SHANK2: variants seen among roughly 807,000 people sequenced by gnomAD.
SHANK2 encodes SH3 and multiple ankyrin repeat domains protein 2.
In SHANK2, 43 loss-of-function variants were observed where a neutral mutation model predicts 133.7. That is an observed-to-expected ratio of 0.32 (90% confidence interval 0.25 to 0.41). SHANK2 has a LOEUF of 0.41. Among genes scored for constraint, SHANK2 ranks in the 10% least tolerant of loss-of-function variants. The pLI is 1.00. For missense variants in SHANK2, 1,994 were observed against 2,235.8 expected (o/e 0.89, Z 2.18); for synonymous variants, 1,017 against 952.8 (o/e 1.07, Z -1.24).
chr11:70,502,952 T>C (rs782557367), intron 17 of SHANK2, 21 bp from the exon 18 acceptor site: 1 of 1,613,950 alleles, frequency 6.2e-7, no homozygotes, highest in South Asian at 1.1e-5. Flanking sequence ...GCGGAGAGGA[T>C]GGCATCAGTG....
chr11:70,798,420 G>A (rs1002499070), intron 14 of SHANK2, 23 bp downstream of exon 14: 6 of 716,968 alleles, frequency 8.4e-6, no homozygotes, highest in Non-Finnish European at 1.6e-5. Context: ...TCGAGGGTGG[G>A]CGGCCACGAG....
intron 17 of SHANK2, 84 bp from the exon 18 acceptor site, chr11:70,503,015 G>A (rs2059083467): frequency 1.3e-6 from 2 of 1,509,202 alleles, no homozygotes; most frequent in Admixed American, 1.7e-5. Flanking sequence ...GAGACATGTG[G>A]GCTCCTAAAA....
At chr11:70,846,340 T>C (rs543561756) in intron 11 of SHANK2, among the ~76,000 whole-genome samples, 1 of 152,300 alleles carries the variant, frequency 6.6e-6, no homozygotes, top group South Asian at 2.1e-4. Flanking sequence ...CTCAGCTCAC[T>C]GCAGCCTCAA....
At chr11:70,887,511 G>A (rs1042176594) in intron 11 of SHANK2, among the ~76,000 whole-genome samples, 1 of 151,928 alleles carries the variant, frequency 6.6e-6, no homozygotes, top group African/African-American at 2.4e-5. Flanking sequence ...TCCATTTCTG[G>A]GTTCTACAGA....
chr11:71,073,127 G>GTTTTTTTTT, intron 9 of SHANK2, among the ~76,000 whole-genome samples: 1 of 93,878 alleles, frequency 1.1e-5, no homozygotes, highest in Non-Finnish European at 2.5e-5. Flanking sequence ...CTTGCTTTTT[G>GTTTTTTTTT]TTTTTTTTCT....
At chr11:70,945,433 G>A (rs782342401) in intron 10 of SHANK2, among the ~76,000 whole-genome samples, 5 of 152,172 alleles carry the variant, frequency 3.3e-5, no homozygotes, top group Non-Finnish European at 5.9e-5. Context: ...CCACACCTAC[G>A]GCCTCATGTG....
At chr11:70,789,760 C>T (rs953792101) in intron 14 of SHANK2, among the ~76,000 whole-genome samples, 1 of 152,210 alleles carries the variant, frequency 6.6e-6, no homozygotes, top group Non-Finnish European at 1.5e-5. Context: ...GGCCCCCACT[C>T]CTACCTCAGT....
At chr11:70,543,244 G>A (rs782508946) in intron 17 of SHANK2, among the ~76,000 whole-genome samples, 22 of 152,156 alleles carry the variant, frequency 1.4e-4, no homozygotes, top group Non-Finnish European at 2.4e-4. Context: ...ACTGACACAT[G>A]GCTCCTAAAA....
intron 17 of SHANK2, chr11:70,566,490 A>ATTCGCAGTG: frequency 6.6e-6 from 1 of 152,214 alleles, no homozygotes; most frequent in African/African-American, 2.4e-5. Context: ...CTGGGACCAC[A>ATTCGCAGTG]GTCCCCAGTC....
At chr11:71,205,747 G>A (rs782286361) in intron 2 of SHANK2, among the ~76,000 whole-genome samples, 100 of 152,308 alleles carry the variant, frequency 6.6e-4, no homozygotes, top group Admixed American at 1.2e-3. Flanking sequence ...GGGCATGTTG[G>A]GTCAGGCGTG....
rs1948186102 is a variant in SHANK2 at position 70,807,387 on chromosome 11, C to T, written c.1494-216G>A. ...CAATCCCACTCGCAGGTCTGCCCCG[C>T]ACAGACAGAAAGCTGCCACTCGGGG... is the stretch of plus-strand genomic sequence containing the variant. On this transcript the variant is annotated intron_variant, in intron 12 of 25. Coordinates refer to ENST00000601538, the MANE Select transcript of SHANK2 (RefSeq NM_012309.5). This position sits in a 1 kb window ranked among gnomAD's most constrained non-coding sequence, Gnocchi z 4.8. Among the ~76,000 whole-genome samples, 1 of 152,222 alleles carries T rather than the reference C, an allele frequency of 6.6e-6. No homozygotes were observed. Among genetic ancestry groups the T allele is most frequent in the Non-Finnish European group, 1.5e-5 (1 of 68,038 alleles).
At chr11:70,686,628 A>G (rs1363294700) in intron 15 of SHANK2, among the ~76,000 whole-genome samples, 1 of 152,170 alleles carries the variant, frequency 6.6e-6, no homozygotes, top group Non-Finnish European at 1.5e-5. Flanking sequence ...TCCTGGTCCT[A>G]TCTGGAGGAG....
Position 70,791,325 on chromosome 11 carries a change from G to A in SHANK2, c.1777+7118C>T, listed in dbSNP as rs375181607. Among the ~76,000 whole-genome samples the A allele has an allele frequency of 9.9e-5, 15 of 152,272 alleles. No individual in the cohort carries two copies. In the East Asian group the frequency reaches 1.7e-3, roughly 18 times the overall value. ...CAGAGAGCCTAAACTCCAGCAGGAT[G>A]GGGTGAGGACATGCATGTAATTAAG... On this transcript the variant is annotated intron_variant, in intron 14 of 25. Coordinates refer to ENST00000601538, the MANE Select transcript of SHANK2 (RefSeq NM_012309.5).
intron 21 of SHANK2, among the ~76,000 whole-genome samples, chr11:70,499,634 T>C (rs564209383): frequency 2.0e-5 from 3 of 152,302 alleles, no homozygotes; most frequent in South Asian, 4.1e-4. Context: ...ACAAACGTAA[T>C]TGCACGACAT....
At chr11:71,142,523 A>G (rs1555105971) in intron 3 of SHANK2, among the ~76,000 whole-genome samples, 1 of 151,382 alleles carries the variant, frequency 6.6e-6, no homozygotes, top group Non-Finnish European at 1.5e-5. Flanking sequence ...CAAACAAACA[A>G]AAAAAAATGG....
At chr11:70,586,409 C>A (rs2060252934) in intron 17 of SHANK2, among the ~76,000 whole-genome samples, 1 of 152,094 alleles carries the variant, frequency 6.6e-6, no homozygotes, top group African/African-American at 2.4e-5. Context: ...GAGGGAGGTT[C>A]TGGGGCCGGG....
chr11:70,724,101 T>A (rs967792643), intron 14 of SHANK2, among the ~76,000 whole-genome samples: 2 of 151,468 alleles, frequency 1.3e-5, no homozygotes, highest in African/African-American at 4.9e-5. Flanking sequence ...AGTGGCATGA[T>A]CTTGGTTCAA....
chr11:70,949,143 A>G (rs1262895574), intron 10 of SHANK2, among the ~76,000 whole-genome samples: 4 of 152,216 alleles, frequency 2.6e-5, no homozygotes, highest in African/African-American at 9.6e-5. Flanking sequence ...AGAAGAAGGG[A>G]AAAGAAATAA....
intron 10 of SHANK2, among the ~76,000 whole-genome samples, chr11:70,954,524 C>T (rs72957626): frequency 0.019 from 2,842 of 152,350 alleles, 43 homozygotes; most frequent in Middle Eastern, 0.058. Context: ...GGAAATCAGA[C>T]GAAGGGTCTG....
Sources: allele counts gnomAD v4.1 joint callset (sites outside exome capture counted in the v4.1 genomes callset), GRCh38; gene constraint gnomAD v4.1.1; non-coding constraint Gnocchi (gnomAD v3.1); transcripts MANE v1.5; gene names NCBI Gene and HGNC (gene_info 2026-07-23, HGNC 2026-07-21).